Variants in IRGM observed in about 807,000 individuals in gnomAD.
IRGM encodes the protein immunity-related GTPase family M protein.
For synonymous variants in IRGM, 98 were observed against 80.6 expected, an observed-to-expected ratio of 1.22 and a Z score of -1.16; for missense variants, 288 against 219.9, an observed-to-expected ratio of 1.31 and a Z score of -1.96.
chr5:150,882,049 G>A (rs1754453819), intron 3 of IRGM, among the ~76,000 whole-genome samples: 1 of 151,858 alleles, frequency 6.6e-6, no homozygotes, highest in Non-Finnish European at 1.5e-5. Context: ...AGGTGTGGTG[G>A]CACCCACCTG....
At chr5:150,853,354 C>T (rs1479874869), downstream of IRGM, among the ~76,000 whole-genome samples, 1 of 152,044 alleles carries the variant, frequency 6.6e-6, no homozygotes, top group East Asian at 1.9e-4. Context: ...TGTATGGTCT[C>T]TCCTGAAGAA....
chr5:150,873,172 CTAAT>C (rs1486420041), intron 1 of IRGM, among the ~76,000 whole-genome samples: 1 of 152,180 alleles, frequency 6.6e-6, no homozygotes, highest in African/African-American at 2.4e-5. Context: ...CTGGCATTGG[CTAAT>C]TAATCACAGT....
chr5:150,902,376 C>G (rs138985839), downstream of IRGM, among the ~76,000 whole-genome samples: 45 of 152,192 alleles, frequency 3.0e-4, no homozygotes, highest in African/African-American at 1.1e-3. Flanking sequence ...GAAAAACATT[C>G]AAAATGTGCC....
downstream of IRGM, among the ~76,000 whole-genome samples, chr5:150,901,531 A>C (rs1754995339): frequency 6.6e-6 from 1 of 152,098 alleles, no homozygotes; most frequent in Admixed American, 6.5e-5. Flanking sequence ...AAAAACAAAA[A>C]CAACAATGAA....
intron 1 of IRGM, among the ~76,000 whole-genome samples, chr5:150,861,140 T>G (rs1333989629): frequency 6.6e-6 from 1 of 152,190 alleles, no homozygotes; most frequent in Non-Finnish European, 1.5e-5. Context: ...TGGTTTGAAA[T>G]ATCCAAGATG....
intron 1 of IRGM, among the ~76,000 whole-genome samples, chr5:150,868,820 G>C (rs1199769878): frequency 6.6e-6 from 1 of 152,076 alleles, no homozygotes; most frequent in Non-Finnish European, 1.5e-5. Context: ...ACTGATTTGT[G>C]TACATTAATT....
At chr5:150,862,196 A>G (rs1390608989) in intron 1 of IRGM, among the ~76,000 whole-genome samples, 1 of 152,212 alleles carries the variant, frequency 6.6e-6, no homozygotes, top group Non-Finnish European at 1.5e-5. Context: ...TGTGGCACTT[A>G]TTTTCCATAG....
At chr5:150,894,461 CAACCTT>C (rs1470047660) in intron 3 of IRGM, 1 of 152,150 alleles carries the variant, frequency 6.6e-6, no homozygotes, top group East Asian at 1.9e-4. Flanking sequence ...TTAAAAAACA[CAACCTT>C]AACATAGCAA....
intron 1 of IRGM, among the ~76,000 whole-genome samples, chr5:150,871,902 A>G (rs1561746434): frequency 2.0e-5 from 3 of 152,196 alleles, no homozygotes; most frequent in Non-Finnish European, 4.4e-5. Flanking sequence ...ATCCAGTTAA[A>G]AGATAGGTAG....
intron 3 of IRGM, among the ~76,000 whole-genome samples, chr5:150,890,799 G>T (rs746113748): frequency 1.3e-5 from 2 of 151,764 alleles, no homozygotes; most frequent in Non-Finnish European, 2.9e-5. Flanking sequence ...TAATGTAATT[G>T]ATTTCTAATG....
At chr5:150,883,235 C>G (rs933798431) in intron 3 of IRGM, among the ~76,000 whole-genome samples, 1 of 151,828 alleles carries the variant, frequency 6.6e-6, no homozygotes, top group Non-Finnish European at 1.5e-5. Flanking sequence ...CTAAATAATA[C>G]TCTATTGCGC....
At chr5:150,861,306 C>T (rs192594316) in intron 1 of IRGM, among the ~76,000 whole-genome samples, 12 of 152,256 alleles carry the variant, frequency 7.9e-5, no homozygotes, top group East Asian at 1.9e-4. Flanking sequence ...TTCAAAGTAT[C>T]GTAGTTTCAG....
chr5:150,901,296 T>C (rs1017417928), downstream of IRGM, among the ~76,000 whole-genome samples: 6 of 152,096 alleles, frequency 3.9e-5, no homozygotes, highest in Non-Finnish European at 1.5e-5. Context: ...TTCAAAAAAT[T>C]ATTTTCAATA....
At chr5:150,855,961 T>C (rs564808438) in intron 1 of IRGM, among the ~76,000 whole-genome samples, 5 of 151,654 alleles carry the variant, frequency 3.3e-5, no homozygotes, top group Non-Finnish European at 5.9e-5. Flanking sequence ...AGACACTCAA[T>C]TTTTAAAAGT....
chr5:150,862,538 GAT>G (rs769796505), intron 1 of IRGM, among the ~76,000 whole-genome samples: 21 of 152,188 alleles, frequency 1.4e-4, no homozygotes, highest in Non-Finnish European at 2.6e-4. Context: ...TGGGGGAAGT[GAT>G]ATGTGCTGCT....
rs1464263459 is a variant in IRGM, at chr5:150,848,002, G to A, written c.-122G>A. ...TGTATTTTAGTAGAGAAGGTTTCACGATGTTGGCCAGGATGGTCTCAATCT... is the reference window on the plus strand; with the variant it reads ...TGTATTTTAGTAGAGAAGGTTTCACAATGTTGGCCAGGATGGTCTCAATCT... On this transcript the variant is annotated 5_prime_UTR_variant, in exon 2 of 2. Coordinates refer to ENST00000522154, the MANE Select transcript of IRGM (RefSeq NM_001145805.2). 8.2e-6 allele frequency: 6 copies of A among 731,410 alleles called. No homozygotes were observed. The Admixed American group carries it at 8.8e-5, about 11-fold the overall frequency. The allele number at this position is 731,410 out of a possible 1,614,324, so 45.3% of individuals were successfully genotyped here.
rs573252781 is a variant in IRGM, at chr5:150,892,909, TTTTG to T, written c.*141-7677_*141-7674del. Among the ~76,000 whole-genome samples the T allele has an allele frequency of 2.2e-3, 336 of 152,120 alleles. 1 individual carries two copies. Among genetic ancestry groups the T allele is most frequent in the African/African-American group, 8.0e-3 (330 of 41,492 alleles). On this transcript the variant is annotated intron_variant and NMD_transcript_variant, in intron 3 of 3. Transcript: ENST00000520549. ...ACGGACATGAGCCACAATTTTCTTG[TTTTG>T]TTGTTCCTATTTTGTGTGTTTTCCT...
chr5:150,894,065 C>T (rs1032806645), intron 3 of IRGM, among the ~76,000 whole-genome samples: 11 of 152,098 alleles, frequency 7.2e-5, no homozygotes, highest in African/African-American at 2.6e-4. Context: ...CATGTTTTCA[C>T]AACAGACAGT....
rs779184883 is a variant in IRGM, at chr5:150,848,266, C to T, written c.143C>T (p.Thr48Ile). Residue 48 changes from threonine (T) to isoleucine (I), a missense_variant, in exon 2 of 2, where the codon ACC (threonine) becomes ATC (isoleucine). Transcript: ENST00000522154. ...GGGGACTCTGGCAATGGGATGTCCA[C>T]CTTCATCAGTGCCCTTCGAAACACA... ...MAGDSGNGMS[T>I]FISALRNTGH... The T allele has an allele frequency of 1.6e-5, 25 of 1,551,722 alleles. 1 individual carries two copies. In the Middle Eastern group the frequency reaches 5.0e-4, roughly 31 times the overall value.
Sources: allele counts gnomAD v4.1 joint callset (sites outside exome capture counted in the v4.1 genomes callset), GRCh38; gene constraint gnomAD v4.1.1; transcripts MANE v1.5; gene names NCBI Gene and HGNC (gene_info 2026-07-23, HGNC 2026-07-21).